Variants in CAST observed in about 807,000 individuals in gnomAD.
CAST encodes the protein MIR583 host.
Under a neutral mutation model 119.6 loss-of-function variants are expected in CAST, and 76 were observed. That is an observed-to-expected ratio of 0.64 (90% confidence interval 0.53 to 0.77). The LOEUF is 0.77. CAST is among the 30% of genes least tolerant of loss of function. CAST has a pLI of 0.00. For synonymous variants in CAST, 319 were observed against 331.6 expected, an observed-to-expected ratio of 0.96 and a Z score of 0.41; for missense variants, 953 against 946.5, an observed-to-expected ratio of 1.01 and a Z score of -0.09.
At chr5:96,189,346 A>T in the CAST span, among the ~76,000 whole-genome samples, 2 of 152,084 alleles carry the variant, frequency 1.3e-5, no homozygotes, top group Non-Finnish European at 2.9e-5. Flanking sequence ...CTCAGATTTG[A>T]TTGCTATTTG....
chr5:96,360,522 G>A, the CAST span, among the ~76,000 whole-genome samples: 5 of 152,272 alleles, frequency 3.3e-5, no homozygotes, highest in African/African-American at 4.8e-5. Context: ...TGGTGTGGAC[G>A]TCCTTTTTGT....
At chr5:96,006,304 G>A in the CAST span, among the ~76,000 whole-genome samples, 1 of 151,842 alleles carries the variant, frequency 6.6e-6, no homozygotes, top group African/African-American at 2.4e-5. Flanking sequence ...GGGCCACAAT[G>A]GAAGAAGAAT....
chr5:96,653,746 G>A (rs1748122381), intron 1 of CAST, among the ~76,000 whole-genome samples: 1 of 151,628 alleles, frequency 6.6e-6, no homozygotes, highest in South Asian at 2.1e-4. Context: ...GGCTTCTTTA[G>A]AAAGAAAAGA....
At chr5:96,102,334 G>A in the CAST span, among the ~76,000 whole-genome samples, 1 of 152,086 alleles carries the variant, frequency 6.6e-6, no homozygotes, top group Non-Finnish European at 1.5e-5. Flanking sequence ...GCTCTGGCTG[G>A]CTCTTCTCCG....
At chr5:96,058,519 C>T in the CAST span, among the ~76,000 whole-genome samples, 1 of 143,714 alleles carries the variant, frequency 7.0e-6, no homozygotes, top group East Asian at 1.9e-4. Flanking sequence ...GGAAATTGAC[C>T]TAAGAAATTT....
At position 96,757,507 on chromosome 5, in the gene CAST, G is replaced by T. The variant is rs552913031; in HGVS notation, c.1761+13G>T. 1 of 1,613,796 alleles carries T rather than the reference G, an allele frequency of 6.2e-7. No homozygotes were observed. Among genetic ancestry groups the T allele is most frequent in the Non-Finnish European group, 8.5e-7 (1 of 1,179,736 alleles). ...GGAACAGCTTCCAGTAAGCAAACCA[G>T]TTTTCTCTGAGGATATCTTTTCCTT... On this transcript the variant is annotated intron_variant, in intron 23 of 31. Coordinates refer to ENST00000675179, the MANE Select transcript of CAST (RefSeq NM_001750.7).
At chr5:96,509,539 C>G in the CAST span, among the ~76,000 whole-genome samples, 1 of 152,140 alleles carries the variant, frequency 6.6e-6, no homozygotes, top group African/African-American at 2.4e-5. Context: ...GCTTTGAGCT[C>G]TGGTGCTTCT....
At chr5:96,066,084 G>T in the CAST span, among the ~76,000 whole-genome samples, 1 of 152,192 alleles carries the variant, frequency 6.6e-6, no homozygotes, top group Non-Finnish European at 1.5e-5. Context: ...GTGCAGGCAG[G>T]TTAATGAAGA....
At chr5:96,253,450 C>G in the CAST span, among the ~76,000 whole-genome samples, 1 of 152,104 alleles carries the variant, frequency 6.6e-6, no homozygotes, top group Non-Finnish European at 1.5e-5. Context: ...TTATAACGAG[C>G]AGCCAAGGTT....
At chr5:96,000,608 G>A in the CAST span, among the ~76,000 whole-genome samples, 1 of 152,138 alleles carries the variant, frequency 6.6e-6, no homozygotes, top group Non-Finnish European at 1.5e-5. Flanking sequence ...ACGGAGAATA[G>A]AACACAGGGA....
chr5:96,314,194 A>T, the CAST span, among the ~76,000 whole-genome samples: 9 of 152,194 alleles, frequency 5.9e-5, no homozygotes, highest in Non-Finnish European at 1.2e-4. Flanking sequence ...GAAAACTTGT[A>T]AATTATTTTC....
chr5:96,447,205 G>A, the CAST span, among the ~76,000 whole-genome samples: 1 of 152,222 alleles, frequency 6.6e-6, no homozygotes, highest in Non-Finnish European at 1.5e-5. Flanking sequence ...ACACAGCTTT[G>A]AGTTTCTCTC....
At chr5:96,376,205 T>G in the CAST span, among the ~76,000 whole-genome samples, 6,469 of 151,646 alleles carry the variant, frequency 0.043, 397 homozygotes, top group African/African-American at 0.14. Flanking sequence ...AAAATTAAAA[T>G]GGAGTGGAAA....
At chr5:96,594,496 T>C (rs1747019613) in intron 1 of CAST, among the ~76,000 whole-genome samples, 1 of 152,240 alleles carries the variant, frequency 6.6e-6, no homozygotes, top group Non-Finnish European at 1.5e-5. Context: ...TATTTGAATT[T>C]AAAACCAGCG....
chr5:96,223,964 T>C, the CAST span, among the ~76,000 whole-genome samples: 171 of 152,304 alleles, frequency 1.1e-3, no homozygotes, highest in African/African-American at 4.0e-3. Context: ...AATAGTGAGC[T>C]AAGCAATTGG....
At chr5:96,609,230 C>A (rs1747316588) in intron 1 of CAST, among the ~76,000 whole-genome samples, 1 of 152,210 alleles carries the variant, frequency 6.6e-6, no homozygotes, top group Admixed American at 6.5e-5. Flanking sequence ...ATTCCCATTG[C>A]AATATCCTAT....
chr5:96,616,749 TATATACAC>T (rs1354488003), intron 1 of CAST, among the ~76,000 whole-genome samples: 66 of 115,992 alleles, frequency 5.7e-4, no homozygotes, highest in South Asian at 2.6e-4. Flanking sequence ...TCTCTCTATA[TATATACAC>T]ACACACACAC....
intron 25 of CAST, 115 bp downstream of exon 25, chr5:96,762,487 GC>G: frequency 1.6e-6 from 1 of 637,842 alleles, no homozygotes; most frequent in South Asian, 2.6e-5. Context: ...GGAAGATCAG[GC>G]ACCTTCTATT....
In CAST at chr5:96,744,376, A is replaced by G. The variant is rs190447140; in HGVS notation, c.1200+1620A>G. ...AATGAGGAGCAAAGTCACGTCTTAC[A>G]TGGAGGAAAGTAAAAGAGCATGTGC... On this transcript the variant is annotated intron_variant, in intron 16 of 31. Transcript: ENST00000675179. 2.0e-5 allele frequency among the ~76,000 whole-genome samples: 3 copies of G among 152,342 alleles called. No homozygotes were observed. In the East Asian group the frequency reaches 5.8e-4, roughly 29 times the overall value.
Sources: gnomAD v4.1 joint callset for allele counts (sites outside exome capture counted in the v4.1 genomes callset) on GRCh38, gnomAD v4.1.1 for gene constraint, MANE v1.5 for transcripts, NCBI Gene and HGNC (gene_info 2026-07-23, HGNC 2026-07-21) for gene names.